The following KCNJ12 variants were observed in gnomAD, a reference collection of about 807,000 sequenced individuals.
KCNJ12 encodes potassium inwardly rectifying channel subfamily J member 12.
In KCNJ12, 2 loss-of-function variants were observed where a neutral mutation model predicts 22.3. The ratio of observed to expected loss-of-function variants is 0.09; its 90% confidence interval spans 0.04 to 0.28. The LOEUF is 0.28. Among genes scored for constraint, KCNJ12 ranks in the 10% least tolerant of loss-of-function variants. KCNJ12 has a pLI of 1.00. For synonymous variants in KCNJ12, 117 were observed against 261.4 expected (o/e 0.45, Z 5.33); for missense variants, 155 against 633.3 (o/e 0.24, Z 8.11).
chr17:21,414,977 G>C (rs547182101), intron 2 of KCNJ12, among the ~76,000 whole-genome samples: 12 of 152,294 alleles, frequency 7.9e-5, no homozygotes, highest in Non-Finnish European at 4.4e-5. Flanking sequence ...CGAACTGGCT[G>C]GGCAGGCACT....
chr17:21,397,421 G>A (rs1176736228), intron 1 of KCNJ12, among the ~76,000 whole-genome samples: 2 of 152,192 alleles, frequency 1.3e-5, no homozygotes, highest in East Asian at 1.9e-4. Context: ...GCGGATCACC[G>A]GCGGTTTCAT....
intron 2 of KCNJ12, among the ~76,000 whole-genome samples, chr17:21,413,961 G>T (rs1555562032): frequency 3.3e-5 from 5 of 152,250 alleles, no homozygotes. Flanking sequence ...CAGGGGCTGG[G>T]GAGGGCCCTC....
At chr17:21,406,181 T>A (rs1248867745) in intron 1 of KCNJ12, among the ~76,000 whole-genome samples, 28 of 152,416 alleles carry the variant, frequency 1.8e-4, no homozygotes, top group Non-Finnish European at 3.1e-4. Context: ...TTAGCTTCTC[T>A]CAGCCTCAGT....
chr17:21,419,672 C>T lies in KCNJ12; in HGVS notation c.*3028C>T, dbSNP rs1164500592. Reference sequence around the variant, plus strand: ...GGTGCTGTGCTGCGTGGTCCCCACCCAGAGGGTCCTGGGGGGCGGGGAGGA... The same window carrying T: ...GGTGCTGTGCTGCGTGGTCCCCACCTAGAGGGTCCTGGGGGGCGGGGAGGA... On this transcript the variant is annotated 3_prime_UTR_variant, in exon 3 of 3. Coordinates refer to ENST00000583088, the MANE Select transcript of KCNJ12 (RefSeq NM_021012.5). 1 of 167,198 alleles carries T rather than the reference C, an allele frequency of 6.0e-6. No individual in the cohort carries two copies. The highest frequency in any genetic ancestry group is 1.5e-5 in the Non-Finnish European group (1 of 68,232). 10.4% of individuals were successfully genotyped at this position (167,198 alleles called of 1,614,324 possible).
At chr17:21,406,594 A>G (rs1365761127) in intron 1 of KCNJ12, among the ~76,000 whole-genome samples, 2 of 152,304 alleles carry the variant, frequency 1.3e-5, no homozygotes, top group Admixed American at 6.5e-5. Flanking sequence ...GAGACCAGGC[A>G]GGCCATCCCA....
Position 21,397,839 on chromosome 17 carries a change from G to A in KCNJ12, c.-178-10680G>A, listed in dbSNP as rs1280999972. 3.9e-5 allele frequency among the ~76,000 whole-genome samples: 6 copies of A among 152,226 alleles called. No homozygotes were observed. In the East Asian group the frequency reaches 5.8e-4, roughly 15 times the overall value. Reference sequence around the variant, plus strand: ...GCAGCCCTCAGCTGGGGCTGACAGCGCACAGCAGGGATTAGCAAGTGGACC... The same window carrying A: ...GCAGCCCTCAGCTGGGGCTGACAGCACACAGCAGGGATTAGCAAGTGGACC... On this transcript the variant is annotated intron_variant, in intron 1 of 2. Coordinates refer to ENST00000583088, the MANE Select transcript of KCNJ12 (RefSeq NM_021012.5).
chr17:21,380,549 G>C (rs557247730), intron 1 of KCNJ12, among the ~76,000 whole-genome samples: 23 of 152,244 alleles, frequency 1.5e-4, no homozygotes, highest in African/African-American at 5.5e-4. Flanking sequence ...GACTGGCTCC[G>C]GAGAGTGCTC....
At chr17:21,378,845 C>T (rs1904766606) in intron 1 of KCNJ12, among the ~76,000 whole-genome samples, 1 of 152,136 alleles carries the variant, frequency 6.6e-6, no homozygotes, top group South Asian at 2.1e-4. Flanking sequence ...CTGCAGCTAC[C>T]CCGTCAAAAC....
At chr17:21,378,574 G>A (rs1555557553) in intron 1 of KCNJ12, among the ~76,000 whole-genome samples, 3 of 152,174 alleles carry the variant, frequency 2.0e-5, no homozygotes, top group Admixed American at 1.3e-4. Context: ...TGGAGACGAG[G>A]AGGGTGGCTC....
chr17:21,383,612 C>G (rs1339033782), intron 1 of KCNJ12, among the ~76,000 whole-genome samples: 1 of 152,232 alleles, frequency 6.6e-6, no homozygotes, highest in South Asian at 2.1e-4. Context: ...TCACAGCCAC[C>G]TGTTTGGCCC....
At chr17:21,413,637 C>T (rs79388429) in intron 2 of KCNJ12, among the ~76,000 whole-genome samples, 4 of 148,216 alleles carry the variant, frequency 2.7e-5, no homozygotes, top group Non-Finnish European at 4.5e-5. Context: ...GTGGGCCAGG[C>T]GGTGCCATAG....
At chr17:21,410,495 T>C (rs1380362897) in intron 2 of KCNJ12, among the ~76,000 whole-genome samples, 4 of 152,272 alleles carry the variant, frequency 2.6e-5, no homozygotes, top group African/African-American at 9.6e-5. Context: ...CTTCCCTGCA[T>C]TGAGTGATCT....
chr17:21,407,510 T>C (rs1225554243), intron 1 of KCNJ12, among the ~76,000 whole-genome samples: 25 of 151,360 alleles, frequency 1.7e-4, no homozygotes, highest in African/African-American at 5.8e-4. Flanking sequence ...CACCCATCCA[T>C]CCACCCAATC....
intron 1 of KCNJ12, among the ~76,000 whole-genome samples, chr17:21,399,709 T>TAGAGACACCTAGAGACA: frequency 6.6e-6 from 1 of 152,228 alleles, no homozygotes; most frequent in Admixed American, 6.5e-5. Flanking sequence ...CTGTGGTGTC[T>TAGAGACACCTAGAGACA]CCTAGAGACA....
chr17:21,387,114 C>T (rs1905093069), intron 1 of KCNJ12, among the ~76,000 whole-genome samples: 2 of 151,792 alleles, frequency 1.3e-5, no homozygotes, highest in South Asian at 4.2e-4. Flanking sequence ...GGAGATCGCG[C>T]CACTGCATTC....
intron 1 of KCNJ12, among the ~76,000 whole-genome samples, chr17:21,398,106 T>C (rs555720949): frequency 6.6e-6 from 1 of 152,102 alleles, no homozygotes; most frequent in South Asian, 2.1e-4. Flanking sequence ...TGTGTGTGTG[T>C]GTGTGTGTGT....
At chr17:21,414,174 T>G (rs1275425479) in intron 2 of KCNJ12, among the ~76,000 whole-genome samples, 2 of 152,296 alleles carry the variant, frequency 1.3e-5, no homozygotes, top group African/African-American at 4.8e-5. Flanking sequence ...TTCTAGGCCC[T>G]GGGAAGGACA....
At chr17:21,391,992 A>G (rs1905223116) in intron 1 of KCNJ12, among the ~76,000 whole-genome samples, 1 of 152,202 alleles carries the variant, frequency 6.6e-6, no homozygotes, top group African/African-American at 2.4e-5. Context: ...GAAAGTGGCT[A>G]CAGGAATCCG....
At chr17:21,402,989 C>T (rs1259506664) in intron 1 of KCNJ12, among the ~76,000 whole-genome samples, 1 of 152,306 alleles carries the variant, frequency 6.6e-6, no homozygotes, top group African/African-American at 2.4e-5. Context: ...GCTTGGGCCA[C>T]CCCACCTGGG....
Sources: gnomAD v4.1 joint callset for allele counts (sites outside exome capture counted in the v4.1 genomes callset) on GRCh38, gnomAD v4.1.1 for gene constraint, MANE v1.5 for transcripts, NCBI Gene and HGNC (gene_info 2026-07-23, HGNC 2026-07-21) for gene names.